The following TATDN2 variants were observed in gnomAD, a reference collection of about 807,000 sequenced individuals.
TATDN2 encodes TatD DNase domain containing 2.
TATDN2 carries 44 observed loss-of-function variants against 60.3 expected under a neutral mutation model. The observed-to-expected ratio is 0.73, with a 90% CI of 0.57 to 0.94. TATDN2 has a LOEUF of 0.94. Among genes scored for constraint, TATDN2 ranks in the 40% least tolerant of loss-of-function variants. TATDN2 has a pLI of 0.00. For synonymous variants in TATDN2, 399 were observed against 355.8 expected (o/e 1.12, Z -1.37); for missense variants, 997 against 948.0 (o/e 1.05, Z -0.68).
rs1036514265 is a variant in TATDN2 at position 10,280,231 on chromosome 3, T to G, written c.*1049T>G. 6.5e-6 allele frequency: 1 copy of G among 153,822 alleles called. No homozygotes were observed. The highest frequency in any genetic ancestry group is 2.4e-5 in the African/African-American group (1 of 41,462). 9.5% of individuals were successfully genotyped at this position (153,822 alleles called of 1,614,324 possible). On this transcript the variant is annotated 3_prime_UTR_variant, in exon 8 of 8. Coordinates refer to ENST00000448281, the MANE Select transcript of TATDN2 (RefSeq NM_014760.4). ...AATAAGCAGGCCTGGTGTCTGCAAA[T>G]GTACCAGTCCTTCTCCCGCATCTCC...
intron 3 of TATDN2, among the ~76,000 whole-genome samples, chr3:10,261,649 T>G (rs1698404875): frequency 6.6e-6 from 1 of 152,200 alleles, no homozygotes; most frequent in Admixed American, 6.5e-5. Flanking sequence ...ATTACAGGCA[T>G]GAGCCACTGT....
rs1345581107 is a variant in TATDN2, at chr3:10,278,535, G to A, written c.2145+73G>A. The A allele has an allele frequency of 6.9e-6, 11 of 1,587,096 alleles. No individual in the cohort carries two copies. Among genetic ancestry groups the A allele is most frequent in the Admixed American group, 1.7e-5 (1 of 59,630 alleles). The stretch of plus-strand genomic sequence containing the variant: ...GGAGGTGGGTGGTCACCCTTACAAG[G>A]TTGGCAGGGCCAGAGCCCCAGTGAC... On this transcript the variant is annotated intron_variant, in intron 6 of 7. Transcript: ENST00000448281. This position sits in a 1 kb window ranked among gnomAD's most constrained non-coding sequence, Gnocchi z 4.7.
At chr3:10,261,529 C>G (rs1237432550) in intron 3 of TATDN2, among the ~76,000 whole-genome samples, 3 of 152,086 alleles carry the variant, frequency 2.0e-5, no homozygotes, top group South Asian at 2.1e-4. Context: ...CGCCACCAAA[C>G]CGGCTAATTT....
In TATDN2 at chr3:10,249,301, C is replaced by T. The variant is rs754873056; in HGVS notation, c.101C>T (p.Pro34Leu). The change falls in exon 2 of 8, where the codon CCC becomes CTC. Residue 34 changes from proline to leucine, a missense_variant. Coordinates refer to ENST00000448281, the MANE Select transcript of TATDN2 (RefSeq NM_014760.4). The stretch of plus-strand genomic sequence containing the variant: ...CTCCGGGAGCCCTGTGATGTGGCCC[C>T]CTCCAGCCGGCCAGCTCAGAGGTCT... Reference protein sequence around the residue: ...SCLREPCDVAPSSRPAQRSAS... With the variant: ...SCLREPCDVALSSRPAQRSAS... The T allele has an allele frequency of 6.2e-7, 1 of 1,606,568 alleles. No individual in the cohort carries two copies. The highest frequency in any genetic ancestry group is 8.5e-7 in the Non-Finnish European group (1 of 1,175,134).
chr3:10,264,664 G>A (rs900578660), intron 3 of TATDN2, among the ~76,000 whole-genome samples: 1 of 150,132 alleles, frequency 6.7e-6, no homozygotes, highest in African/African-American at 2.4e-5. Context: ...TTTCTGGATG[G>A]TTTCTTCAAC....
chr3:10,278,248 G>T lies in TATDN2; in HGVS notation c.1962-31G>T. The stretch of plus-strand genomic sequence containing the variant: ...TGGGGGCTGCTGCAGAGGGGACTGT[G>T]AGCAGCCCTGATGTGGAGTTCTGTC... On this transcript the variant is annotated intron_variant, in intron 5 of 7. Transcript: ENST00000448281. This position sits in a 1 kb window ranked among gnomAD's most constrained non-coding sequence, Gnocchi z 4.7. 1 of 1,601,696 alleles carries T rather than the reference G, an allele frequency of 6.2e-7. No individual in the cohort carries two copies. Among genetic ancestry groups the T allele is most frequent in the South Asian group, 1.1e-5 (1 of 89,912 alleles).
At chr3:10,267,346 A>C (rs1303562848) in intron 3 of TATDN2, among the ~76,000 whole-genome samples, 2 of 151,310 alleles carry the variant, frequency 1.3e-5, no homozygotes, top group African/African-American at 4.9e-5. Context: ...TAGATGACAT[A>C]ATTATTATGT....
intron 3 of TATDN2, 124 bp from the exon 4 acceptor site, chr3:10,270,007 C>A (rs1698532250): frequency 7.9e-7 from 1 of 1,258,936 alleles, no homozygotes; most frequent in Non-Finnish European, 1.1e-6. Flanking sequence ...AGCTAATGAG[C>A]CAATGCAAAG....
Position 10,269,684 on chromosome 3 carries a change from G to T in TATDN2, c.949-447G>T, listed in dbSNP as rs533607109. Among the ~76,000 whole-genome samples, 255 of 152,186 alleles carry T rather than the reference G, an allele frequency of 1.7e-3. 1 individual carries two copies. Among genetic ancestry groups the T allele is most frequent in the Middle Eastern group, 3.4e-3 (1 of 294 alleles). On this transcript the variant is annotated intron_variant, in intron 3 of 7. Coordinates refer to ENST00000448281, the MANE Select transcript of TATDN2 (RefSeq NM_014760.4). The stretch of plus-strand genomic sequence containing the variant: ...CCACCGCATTCCAGCCTGGGCAACA[G>T]AGCAAGACCCTGTCTGAAAAAAAAA...
intron 2 of TATDN2, among the ~76,000 whole-genome samples, chr3:10,257,193 C>T (rs902648576): frequency 1.1e-4 from 17 of 150,428 alleles, no homozygotes; most frequent in African/African-American, 3.9e-4. Context: ...GGCTAAAGCA[C>T]AAGAATTGCT....
At chr3:10,252,855 ATT>A (rs373138121) in intron 2 of TATDN2, among the ~76,000 whole-genome samples, 11 of 112,018 alleles carry the variant, frequency 9.8e-5, no homozygotes, top group Admixed American at 1.9e-4. Flanking sequence ...TGCCTGGCTA[ATT>A]TTTTTTTTTT....
At position 10,249,454 on chromosome 3, in the gene TATDN2, C is replaced by T. The variant is rs908419685; in HGVS notation, c.254C>T (p.Ser85Phe). 2.5e-6 allele frequency: 4 copies of T among 1,613,842 alleles called. No homozygotes were observed. The African/African-American group carries it at 4.0e-5, about 16-fold the overall frequency. Residue 85 changes from serine (S) to phenylalanine (F), a missense_variant, in exon 2 of 8, where the codon TCC becomes TTC. By Grantham distance (155) the Ser-to-Phe change is radical. Coordinates refer to ENST00000448281, the MANE Select transcript of TATDN2 (RefSeq NM_014760.4). ...AGAAATAACTCCTCCTCCTCCTTCT[C>T]CCCACATTTCTTGGGCCCTGGTGTG... ...RRRNNSSSSF[S>F]PHFLGPGVGG...
chr3:10,269,433 G>A (rs1698525332), intron 3 of TATDN2, among the ~76,000 whole-genome samples: 1 of 152,202 alleles, frequency 6.6e-6, no homozygotes, highest in Non-Finnish European at 1.5e-5. Context: ...CAATGGCCAG[G>A]TGTGGTGGCT....
intron 3 of TATDN2, among the ~76,000 whole-genome samples, chr3:10,265,045 T>G (rs1698458279): frequency 1.7e-5 from 2 of 115,360 alleles, no homozygotes; most frequent in Admixed American, 9.2e-5. Context: ...CTGTGCGTGG[T>G]TTTTTTTTTT....
intron 2 of TATDN2, among the ~76,000 whole-genome samples, 191 bp from the exon 3 acceptor site, chr3:10,259,946 C>T (rs370119205): frequency 4.9e-4 from 74 of 152,256 alleles, no homozygotes; most frequent in Admixed American, 2.6e-4. Context: ...CATGAGAAGG[C>T]GAATGCTAAG....
Position 10,278,524 on chromosome 3 carries a change from A to T in TATDN2, c.2145+62A>T. ...GGAGAGGGTGGGGAGGTGGGTGGTCACCCTTACAAGGTTGGCAGGGCCAGA... is the reference window on the plus strand; with the variant it reads ...GGAGAGGGTGGGGAGGTGGGTGGTCTCCCTTACAAGGTTGGCAGGGCCAGA... On this transcript the variant is annotated intron_variant, in intron 6 of 7. Coordinates refer to ENST00000448281, the MANE Select transcript of TATDN2 (RefSeq NM_014760.4). This position sits in a 1 kb window ranked among gnomAD's most constrained non-coding sequence, Gnocchi z 4.7. 6.3e-7 allele frequency: 1 copy of T among 1,595,478 alleles called. No homozygotes were observed. Among genetic ancestry groups the T allele is most frequent in the Non-Finnish European group, 8.6e-7 (1 of 1,167,044 alleles).
chr3:10,277,216 A>G (rs1195642514), intron 5 of TATDN2, among the ~76,000 whole-genome samples: 3 of 152,202 alleles, frequency 2.0e-5, no homozygotes, highest in Non-Finnish European at 4.4e-5. Context: ...CCCAGTTATG[A>G]AAATCAAGGT....
At chr3:10,275,853 C>G (rs1698629079) in intron 4 of TATDN2, among the ~76,000 whole-genome samples, 1 of 152,150 alleles carries the variant, frequency 6.6e-6, no homozygotes, top group Non-Finnish European at 1.5e-5. Context: ...GAGCCAGGCA[C>G]CTTGCTGGAG....
rs756381793 is a variant in TATDN2, at chr3:10,260,575, G to C, written c.853G>C (p.Glu285Gln). ...VVIDPQEKPS[E>Q]EPLGDRRTVI... is the part of the protein sequence containing the mutation. ...TATAGACCCTCAAGAGAAACCCAGT[G>C]AGGAGCCCCTTGGGGACCGAAGGAC... The change falls in exon 3 of 8, where the codon GAG becomes CAG. Residue 285 changes from glutamate (E) to glutamine (Q), a missense_variant. Coordinates refer to ENST00000448281, the MANE Select transcript of TATDN2 (RefSeq NM_014760.4). The C allele has an allele frequency of 1.2e-6, 2 of 1,614,162 alleles. No homozygotes were observed. The highest frequency in any genetic ancestry group is 1.7e-6 in the Non-Finnish European group (2 of 1,180,022).
Sources: allele counts gnomAD v4.1 joint callset (sites outside exome capture counted in the v4.1 genomes callset), GRCh38; gene constraint gnomAD v4.1.1; non-coding constraint Gnocchi (gnomAD v3.1); transcripts MANE v1.5; gene names NCBI Gene and HGNC (gene_info 2026-07-23, HGNC 2026-07-21).